The following RNF125 variants were observed in gnomAD, a reference collection of about 807,000 sequenced individuals.
RNF125 encodes ring finger protein 125.
Under a neutral mutation model 26.0 loss-of-function variants are expected in RNF125, and 21 were observed. The observed-to-expected ratio is 0.81, with a 90% CI of 0.57 to 1.16. The LOEUF is 1.16. RNF125 is among the 50% of genes most tolerant of loss of function. The pLI is 0.00. For synonymous variants in RNF125, 95 were observed against 109.2 expected (o/e 0.87, Z 0.81); for missense variants, 270 against 299.4 (o/e 0.90, Z 0.72).
At chr18:32,085,325 G>A in the RNF125 span, among the ~76,000 whole-genome samples, 81 of 150,754 alleles carry the variant, frequency 5.4e-4, no homozygotes, top group African/African-American at 1.8e-3. Flanking sequence ...AGAAAGTGCA[G>A]CCTCACAGAA....
chr18:32,085,889 G>A, the RNF125 span, among the ~76,000 whole-genome samples: 62 of 151,984 alleles, frequency 4.1e-4, no homozygotes, highest in Admixed American at 1.8e-3. Context: ...GCAGAACAGG[G>A]AAAGAGATGC....
chr18:32,045,623 T>C lies in RNF125; in HGVS notation c.414-19T>C. ...TTGCCAACCATTTTAATATTATTTG[T>C]ATTCTGTGCTATTTCCAGGTGTGTA... is the stretch of plus-strand genomic sequence containing the variant. On this transcript the variant is annotated intron_variant, in intron 3 of 5. Coordinates refer to ENST00000217740, the MANE Select transcript of RNF125 (RefSeq NM_017831.4). 2 of 1,525,526 alleles carry C rather than the reference T, an allele frequency of 1.3e-6. No homozygotes were observed. The highest frequency in any genetic ancestry group is 1.8e-6 in the Non-Finnish European group (2 of 1,112,782). The allele number at this position is 1,525,526 out of a possible 1,614,324, so 94.5% of individuals were successfully genotyped here.
At chr18:32,056,797 A>G (rs916882858) in intron 4 of RNF125, among the ~76,000 whole-genome samples, 125 of 152,344 alleles carry the variant, frequency 8.2e-4, no homozygotes, top group African/African-American at 2.9e-3. Context: ...AAGAAACTCA[A>G]TGCACTTGGC....
At chr18:32,023,323 T>C (rs1319566293) in intron 1 of RNF125, among the ~76,000 whole-genome samples, 1 of 152,114 alleles carries the variant, frequency 6.6e-6, no homozygotes, top group Non-Finnish European at 1.5e-5. Flanking sequence ...TGGCTAGTTT[T>C]TGTATTTTTT....
At chr18:32,043,685 T>C (rs2039240999) in intron 3 of RNF125, among the ~76,000 whole-genome samples, 1 of 152,172 alleles carries the variant, frequency 6.6e-6, no homozygotes, top group East Asian at 1.9e-4. Context: ...TGAAAGCTAA[T>C]TTGAATCCCA....
chr18:32,090,509 AATTATT>A, the RNF125 span, among the ~76,000 whole-genome samples: 18 of 152,176 alleles, frequency 1.2e-4, no homozygotes, highest in Non-Finnish European at 2.1e-4. Flanking sequence ...TCATTGGACA[AATTATT>A]ATTATTCTAG....
At chr18:32,089,679 A>G in the RNF125 span, among the ~76,000 whole-genome samples, 2 of 152,204 alleles carry the variant, frequency 1.3e-5, no homozygotes, top group Admixed American at 1.3e-4. Context: ...CTTATGTCCA[A>G]GTTTTTGCTG....
In RNF125 at chr18:32,069,927, G is replaced by A. The variant is rs938066763; in HGVS notation, c.*1543G>A. On this transcript the variant is annotated 3_prime_UTR_variant, in exon 6 of 6. Transcript: ENST00000217740. The stretch of plus-strand genomic sequence containing the variant: ...TGTCCTCTCGATATTAGCACACAGT[G>A]CAGGTTCAGGCACATTGAATTTGAG... The A allele has an allele frequency of 2.6e-5, 4 of 152,214 alleles. No individual in the cohort carries two copies. The highest frequency in any genetic ancestry group is 5.9e-5 in the Non-Finnish European group (4 of 68,034). 9.4% of individuals were successfully genotyped at this position (152,214 alleles called of 1,614,324 possible). A position where few individuals can be genotyped will look rare whatever the true frequency, so the allele number is the denominator to read the frequency against.
At chr18:32,046,953 T>C (rs2144486432) in intron 4 of RNF125, among the ~76,000 whole-genome samples, 1 of 152,228 alleles carries the variant, frequency 6.6e-6, no homozygotes, top group Non-Finnish European at 1.5e-5. Context: ...ACTGCAACCT[T>C]GACCTCCCAG....
intron 4 of RNF125, among the ~76,000 whole-genome samples, chr18:32,062,255 C>T (rs139064701): frequency 3.9e-5 from 6 of 152,276 alleles, no homozygotes; most frequent in East Asian, 1.9e-4. Context: ...GTGCGGAACA[C>T]GTAGTAGGGG....
chr18:32,033,128 T>TG (rs1010543495), intron 1 of RNF125, among the ~76,000 whole-genome samples: 17 of 152,176 alleles, frequency 1.1e-4, no homozygotes, highest in African/African-American at 2.9e-4. Context: ...AACCAATTAT[T>TG]GGGGGCCAGT....
At chr18:32,060,670 T>G (rs1261450873) in intron 4 of RNF125, among the ~76,000 whole-genome samples, 2 of 152,202 alleles carry the variant, frequency 1.3e-5, no homozygotes, top group African/African-American at 4.8e-5. Flanking sequence ...TCAGTCTGTC[T>G]CTCACCTACC....
In RNF125 at chr18:32,071,359, C is replaced by T. The variant is rs1327323387; in HGVS notation, c.*2975C>T. The T allele has an allele frequency of 2.0e-5, 3 of 152,070 alleles. No homozygotes were observed. The highest frequency in any genetic ancestry group is 4.4e-5 in the Non-Finnish European group (3 of 68,070). 9.4% of individuals were successfully genotyped at this position (152,070 alleles called of 1,614,324 possible). The stretch of plus-strand genomic sequence containing the variant: ...ATGTTGGCCAGGCTGGTTTTGAACT[C>T]CTGACCTCAAGTGATCCACCTGTGT... On this transcript the variant is annotated 3_prime_UTR_variant, in exon 6 of 6. Coordinates refer to ENST00000217740, the MANE Select transcript of RNF125 (RefSeq NM_017831.4).
At chr18:32,030,715 G>A (rs1359383639) in intron 1 of RNF125, among the ~76,000 whole-genome samples, 1 of 152,196 alleles carries the variant, frequency 6.6e-6, no homozygotes, top group Non-Finnish European at 1.5e-5. Flanking sequence ...CTGGGTAATA[G>A]ATAAAGAAAA....
intron 1 of RNF125, among the ~76,000 whole-genome samples, chr18:32,021,578 C>A (rs556832041): frequency 6.6e-6 from 1 of 152,076 alleles, no homozygotes. Flanking sequence ...GCAATAACAG[C>A]CTAAAGATAT....
intron 4 of RNF125, among the ~76,000 whole-genome samples, chr18:32,058,241 G>T (rs1367337333): frequency 6.6e-6 from 1 of 152,026 alleles, no homozygotes; most frequent in Non-Finnish European, 1.5e-5. Flanking sequence ...TGGGGCACAT[G>T]AAATACTTTG....
At chr18:32,079,379 T>G in the RNF125 span, among the ~76,000 whole-genome samples, 1 of 152,228 alleles carries the variant, frequency 6.6e-6, no homozygotes, top group South Asian at 2.1e-4. Flanking sequence ...CTTCAACATA[T>G]GAATTTTGGA....
At chr18:32,025,286 A>G (rs954987818) in intron 1 of RNF125, among the ~76,000 whole-genome samples, 3 of 152,172 alleles carry the variant, frequency 2.0e-5, no homozygotes, top group Non-Finnish European at 2.9e-5. Context: ...CAGAGAGATT[A>G]GGAAGTTTAA....
rs2144520711 is a variant in RNF125 at position 32,068,899 on chromosome 18, A to T, written c.*515A>T. 1 of 152,752 alleles carries T rather than the reference A, an allele frequency of 6.5e-6. No homozygotes were observed. The highest frequency in any genetic ancestry group is 2.4e-5 in the African/African-American group (1 of 41,580). 9.5% of individuals were successfully genotyped at this position (152,752 alleles called of 1,614,324 possible). A position where few individuals can be genotyped will look rare whatever the true frequency, so the allele number is the denominator to read the frequency against. On this transcript the variant is annotated 3_prime_UTR_variant, in exon 6 of 6. Coordinates refer to ENST00000217740, the MANE Select transcript of RNF125 (RefSeq NM_017831.4). ...GTTGGAAAGGAAAATTTTGGAAGTC[A>T]AGAAAGTCCATTTAGGCCGGACGCG...
Sources: allele counts gnomAD v4.1 joint callset (sites outside exome capture counted in the v4.1 genomes callset), GRCh38; gene constraint gnomAD v4.1.1; transcripts MANE v1.5; gene names NCBI Gene and HGNC (gene_info 2026-07-23, HGNC 2026-07-21).